Variants in PRR16 observed in about 807,000 individuals in gnomAD.
The protein encoded by PRR16 is protein Largen.
PRR16 carries 6 observed loss-of-function variants against 18.2 expected under a neutral mutation model. That is an observed-to-expected ratio of 0.33 (90% CI 0.18 to 0.65). The LOEUF (loss-of-function observed/expected upper bound fraction) is 0.65. Among genes scored for constraint, PRR16 ranks in the 30% least tolerant of loss-of-function variants. PRR16 has a pLI of 0.74. For missense variants in PRR16, 412 were observed against 376.6 expected (o/e 1.09, Z -0.78); for synonymous variants, 151 against 147.8 (o/e 1.02, Z -0.16).
At chr5:120,662,301 G>A (rs1037909432) in intron 1 of PRR16, among the ~76,000 whole-genome samples, 6 of 152,066 alleles carry the variant, frequency 3.9e-5, no homozygotes, top group Non-Finnish European at 7.4e-5. Flanking sequence ...GAACAGGTCT[G>A]TGTGAGAAAT....
rs546186556 is a variant in PRR16 at position 120,468,980 on chromosome 5, A to C, written c.159+4335A>C. 2.6e-5 allele frequency among the ~76,000 whole-genome samples: 4 copies of C among 152,292 alleles called. No individual in the cohort carries two copies. In the South Asian group the frequency reaches 8.3e-4, roughly 32 times the overall value. ...GTTGTTTTGTTGTTGCCTTAGAATC[A>C]CTCAGTGACTGGATCTCCATTGGTG... On this transcript the variant is annotated intron_variant, in intron 1 of 1. Coordinates refer to ENST00000407149, the MANE Select transcript of PRR16 (RefSeq NM_001300783.2).
intron 1 of PRR16, among the ~76,000 whole-genome samples, chr5:120,665,152 A>C (rs1437987360): frequency 8.1e-6 from 1 of 122,704 alleles, no homozygotes; most frequent in Non-Finnish European, 1.9e-5. Context: ...CTCCATTCTA[A>C]CTGGTGTGAG....
intron 1 of PRR16, among the ~76,000 whole-genome samples, chr5:120,611,889 C>T (rs1260723764): frequency 2.0e-5 from 3 of 152,178 alleles, no homozygotes; most frequent in African/African-American, 7.2e-5. Context: ...TTGCACTGTG[C>T]ACCTGGAAAA....
At chr5:120,732,525 G>A in the PRR16 span, among the ~76,000 whole-genome samples, 1 of 152,134 alleles carries the variant, frequency 6.6e-6, no homozygotes, top group African/African-American at 2.4e-5. Flanking sequence ...GCAAGTGTTG[G>A]AAGCATATAT....
the PRR16 span, among the ~76,000 whole-genome samples, chr5:120,765,845 A>G: frequency 4.6e-5 from 7 of 151,970 alleles, no homozygotes; most frequent in African/African-American, 1.7e-4. Flanking sequence ...TGTTTTATAC[A>G]TGGAGAGGTA....
At chr5:120,668,140 G>C (rs1004698639) in intron 1 of PRR16, among the ~76,000 whole-genome samples, 2 of 151,866 alleles carry the variant, frequency 1.3e-5, no homozygotes, top group African/African-American at 4.8e-5. Flanking sequence ...GGGTGCTCCT[G>C]TATTGGGTGC....
intron 1 of PRR16, among the ~76,000 whole-genome samples, chr5:120,506,960 A>C (rs556604692): frequency 6.6e-6 from 1 of 152,248 alleles, no homozygotes; most frequent in South Asian, 2.1e-4. Flanking sequence ...TCTGGCCTCA[A>C]TAGAAGAAGG....
Position 120,502,554 on chromosome 5 carries a change from A to T in PRR16, c.159+37909A>T, listed in dbSNP as rs1350227925. 1.3e-5 allele frequency among the ~76,000 whole-genome samples: 2 copies of T among 152,102 alleles called. 1 individual carries two copies. Among genetic ancestry groups the T allele is most frequent in the Non-Finnish European group, 2.9e-5 (2 of 68,014 alleles). On this transcript the variant is annotated intron_variant, in intron 1 of 1. Coordinates refer to ENST00000407149, the MANE Select transcript of PRR16 (RefSeq NM_001300783.2). ...AGAAAACAGAAACTATAATGGAAGGATAACCGATACAGGAAGAGGCTCTGT... is the reference window on the plus strand; with the variant it reads ...AGAAAACAGAAACTATAATGGAAGGTTAACCGATACAGGAAGAGGCTCTGT...
the PRR16 span, among the ~76,000 whole-genome samples, chr5:120,752,555 G>A: frequency 2.0e-5 from 3 of 151,870 alleles, no homozygotes; most frequent in Non-Finnish European, 2.9e-5. Flanking sequence ...AAAGAAAAGG[G>A]AAAATAAGAT....
At chr5:120,475,446 C>T (rs1749411119) in intron 1 of PRR16, among the ~76,000 whole-genome samples, 3 of 151,872 alleles carry the variant, frequency 2.0e-5, no homozygotes, top group Admixed American at 2.0e-4. Context: ...GCTTCCTTAT[C>T]CTCTTCTTTG....
chr5:120,752,845 G>T, the PRR16 span, among the ~76,000 whole-genome samples: 1 of 151,688 alleles, frequency 6.6e-6, no homozygotes, highest in Admixed American at 6.6e-5. Context: ...AATGAAAGTT[G>T]AAGTTTCAAT....
At chr5:120,728,971 C>G in the PRR16 span, among the ~76,000 whole-genome samples, 1 of 152,092 alleles carries the variant, frequency 6.6e-6, no homozygotes, top group Non-Finnish European at 1.5e-5. Flanking sequence ...TATGCTTTCC[C>G]CTACCTTCCC....
chr5:120,664,683 C>T (rs1252167852), intron 1 of PRR16, among the ~76,000 whole-genome samples: 2 of 152,012 alleles, frequency 1.3e-5, no homozygotes, highest in South Asian at 2.1e-4. Context: ...GTTCAATTCA[C>T]GTCTATGAGT....
At chr5:120,486,951 A>G (rs1343073336) in intron 1 of PRR16, among the ~76,000 whole-genome samples, 6 of 152,260 alleles carry the variant, frequency 3.9e-5, no homozygotes, top group Middle Eastern at 3.4e-3. Flanking sequence ...AAGATCAGAT[A>G]GTTGTAGATA....
At chr5:120,759,123 C>T in the PRR16 span, among the ~76,000 whole-genome samples, 4 of 151,772 alleles carry the variant, frequency 2.6e-5, no homozygotes, top group Non-Finnish European at 5.9e-5. Context: ...ACTACAGGCA[C>T]CCGCCACCAT....
At chr5:120,582,277 G>C (rs1429643486) in intron 1 of PRR16, among the ~76,000 whole-genome samples, 1 of 152,042 alleles carries the variant, frequency 6.6e-6, no homozygotes, top group Non-Finnish European at 1.5e-5. Context: ...TATAAAGTTG[G>C]AAATATAGAA....
chr5:120,538,177 T>A (rs1173132407), intron 1 of PRR16, among the ~76,000 whole-genome samples: 1 of 152,246 alleles, frequency 6.6e-6, no homozygotes, highest in African/African-American at 2.4e-5. Context: ...ATTTCATTTA[T>A]GTTGAATACT....
chr5:120,608,121 T>C (rs985844459), intron 1 of PRR16, among the ~76,000 whole-genome samples: 6 of 152,152 alleles, frequency 3.9e-5, no homozygotes, highest in Non-Finnish European at 8.8e-5. Context: ...TGGAAGCCCT[T>C]TCCTTTTGTT....
intron 1 of PRR16, chr5:120,617,101 C>T: frequency 3.0e-6 from 3 of 985,096 alleles, no homozygotes; most frequent in Non-Finnish European, 3.6e-6. Flanking sequence ...ACAGAAGCTC[C>T]ATTACCTACT....
Sources: allele counts gnomAD v4.1 joint callset (sites outside exome capture counted in the v4.1 genomes callset), GRCh38; gene constraint gnomAD v4.1.1; transcripts MANE v1.5; gene names NCBI Gene and HGNC (gene_info 2026-07-23, HGNC 2026-07-21).